Variants in ATAD2 observed in about 807,000 individuals in gnomAD.
ATAD2 encodes the protein ATPase family AAA domain-containing protein 2.
A neutral mutation model predicts 168.9 loss-of-function variants in ATAD2; 62 were observed. The observed-to-expected ratio is 0.37, with a 90% CI of 0.30 to 0.45. The LOEUF is 0.45. Ranked by LOEUF, ATAD2 falls within the 20% of genes least tolerant of loss-of-function variation. The pLI is 1.00. For synonymous variants in ATAD2, 613 were observed against 571.6 expected (o/e 1.07, Z -1.03); for missense variants, 1,419 against 1,667.8 (o/e 0.85, Z 2.60).
rs71310666 is a variant in ATAD2, at chr8:123,329,981, C to CTTTTTTTTT, written c.3479-1411_3479-1403dup. Among the ~76,000 whole-genome samples, 192 of 100,284 alleles carry CTTTTTTTTT rather than the reference C, an allele frequency of 1.9e-3. 7 individuals are homozygous for CTTTTTTTTT. The highest frequency in any genetic ancestry group is 6.7e-3 in the African/African-American group (184 of 27,564). The allele number at this position is 100,284 out of a possible 152,430, so 65.8% of individuals were successfully genotyped here. On this transcript the variant is annotated intron_variant, in intron 24 of 27. Coordinates refer to ENST00000287394, the MANE Select transcript of ATAD2 (RefSeq NM_014109.4). ...AGATTACCTTTCTCCCCAGTGGCTT[C>CTTTTTTTTT]TTTTTTTTTTTTTTTTTTTTTTTTG...
rs1171517777 is a variant in ATAD2, at chr8:123,323,015, A to G, written c.4054T>C (p.Leu1352=). 6.2e-7 allele frequency: 1 copy of G among 1,612,724 alleles called. No homozygotes were observed. The highest frequency in any genetic ancestry group is 8.5e-7 in the Non-Finnish European group (1 of 1,178,782). ...CTGATTACTGCATACAAATTTTCCA[A>G]CTGAAATATGTTGTAGTTTTGACTT... is the stretch of plus-strand genomic sequence containing the variant. ...KKSQNYNIFQ[L]ENLYAVISQC... is the part of the protein sequence containing the mutation. The change falls in exon 27 of 28, where the codon TTG becomes CTG. Residue 1352 remains leucine (L), a synonymous_variant. Coordinates refer to ENST00000287394, the MANE Select transcript of ATAD2 (RefSeq NM_014109.4).
chr8:123,380,109 T>C (rs2129843599), intron 2 of ATAD2, among the ~76,000 whole-genome samples: 1 of 152,074 alleles, frequency 6.6e-6, no homozygotes, highest in South Asian at 2.1e-4. Context: ...TGAAGTGCAG[T>C]GGCGCGATCT....
intron 8 of ATAD2, among the ~76,000 whole-genome samples, chr8:123,364,957 T>C (rs1828928670): frequency 1.3e-5 from 2 of 151,818 alleles, no homozygotes; most frequent in African/African-American, 4.8e-5. Flanking sequence ...AATAAAAGGG[T>C]ATCCAAATCA....
chr8:123,386,044 T>C (rs947383190), intron 1 of ATAD2, among the ~76,000 whole-genome samples: 1 of 134,194 alleles, frequency 7.5e-6, no homozygotes, highest in Non-Finnish European at 1.6e-5. Flanking sequence ...AAGGAGAAAA[T>C]AGCAATTGTT....
chr8:123,334,035 A>G lies in ATAD2; in HGVS notation c.3335-14T>C, dbSNP rs770247511. ...AGGAGCTACAACCTTATAAATAGAT[A>G]TGTGGGATGTCAAAAGGATTTCCAG... On this transcript the variant is annotated splice_polypyrimidine_tract_variant and intron_variant, in intron 23 of 27. Coordinates refer to ENST00000287394, the MANE Select transcript of ATAD2 (RefSeq NM_014109.4). The G allele has an allele frequency of 4.4e-6, 7 of 1,597,936 alleles. No homozygotes were observed. The highest frequency in any genetic ancestry group is 6.0e-6 in the Non-Finnish European group (7 of 1,170,656).
chr8:123,397,000 C>T (rs1240544020), upstream of ATAD2, among the ~76,000 whole-genome samples: 3 of 150,470 alleles, frequency 2.0e-5, no homozygotes, highest in African/African-American at 7.4e-5. Flanking sequence ...AAAGAAAACA[C>T]AAGGAGCTAA....
At position 123,347,113 on chromosome 8, in the gene ATAD2, T is replaced by A. The variant is rs928149599; in HGVS notation, c.2191A>T (p.Thr731Ser). ...ATACCTGAGTCTAATGTTTTATTTG[T>A]TCTGAATTCTGCATGTGGAAATACT... is the stretch of plus-strand genomic sequence containing the variant. Reference protein sequence around the residue: ...QRVFPHAEFRTNKTLDSDISC... With the variant: ...QRVFPHAEFRSNKTLDSDISC... Residue 731 changes from threonine to serine, a missense_variant, in exon 16 of 28, where the codon ACA (threonine) becomes TCA (serine). By Grantham distance (58) the Thr-to-Ser change is moderately conservative. Around this residue, in one of 5 missense-constraint regions of ATAD2, gnomAD observed 545 missense variants for 724.9 expected, o/e 0.75. Coordinates refer to ENST00000287394, the MANE Select transcript of ATAD2 (RefSeq NM_014109.4). The A allele has an allele frequency of 2.5e-6, 4 of 1,612,548 alleles. No individual in the cohort carries two copies. Among genetic ancestry groups the A allele is most frequent in the Non-Finnish European group, 3.4e-6 (4 of 1,179,092 alleles).
intron 24 of ATAD2, among the ~76,000 whole-genome samples, chr8:123,333,655 A>G (rs889662557): frequency 5.9e-5 from 9 of 152,216 alleles, no homozygotes; most frequent in African/African-American, 2.2e-4. Context: ...TACAGACATC[A>G]GTTTCAAATC....
At position 123,371,746 on chromosome 8, in the gene ATAD2, C is replaced by A; in HGVS notation, c.460G>T (p.Val154Leu). The A allele has an allele frequency of 6.2e-7, 1 of 1,613,732 alleles. No homozygotes were observed. Among genetic ancestry groups the A allele is most frequent in the Non-Finnish European group, 8.5e-7 (1 of 1,179,842 alleles). Residue 154 changes from valine (V) to leucine (L), a missense_variant, in exon 4 of 28, where the codon GTG becomes TTG. This residue lies in a region of ATAD2 where 419 missense variants were observed against 423.5 expected (regional missense o/e 0.99). Transcript: ENST00000287394. ...CTTCTAATCCTACAACTTCGACGCA[C>A]TTCAACATCACCATTATCTTCATGT... is the stretch of plus-strand genomic sequence containing the variant. ...HLHEDNGDVE[V>L]RRSCRIRSRY...
intron 1 of ATAD2, among the ~76,000 whole-genome samples, chr8:123,408,959 C>A (rs1813109863): frequency 1.3e-5 from 2 of 152,002 alleles, no homozygotes; most frequent in African/African-American, 2.4e-5. Flanking sequence ...TCCTCAGTAG[C>A]TGGGACTACA....
At chr8:123,401,271 C>A, upstream of ATAD2, 1 of 1,037,692 alleles carries the variant, frequency 9.6e-7, no homozygotes, top group South Asian at 1.3e-5. Flanking sequence ...ACCGAGACTA[C>A]CCTGTGGCCT....
intron 8 of ATAD2, 67 bp from the exon 9 acceptor site, chr8:123,361,713 G>A: frequency 7.7e-7 from 1 of 1,303,570 alleles, no homozygotes; most frequent in Admixed American, 1.8e-5. Flanking sequence ...CATAAGAAAA[G>A]CATCAGAAAT....
intron 1 of ATAD2, among the ~76,000 whole-genome samples, chr8:123,391,420 G>A (rs1829822035): frequency 7.0e-6 from 1 of 142,684 alleles, no homozygotes. Flanking sequence ...TAATAAATAG[G>A]TGACTAAAAG....
intron 13 of ATAD2, among the ~76,000 whole-genome samples, chr8:123,351,008 TTACA>T (rs1467508220): frequency 6.6e-6 from 1 of 152,034 alleles, no homozygotes; most frequent in Non-Finnish European, 1.5e-5. Context: ...AGTGCTGGGA[TTACA>T]GACGTGAGCC....
intron 24 of ATAD2, among the ~76,000 whole-genome samples, chr8:123,329,597 CA>C (rs1419970418): frequency 6.6e-6 from 1 of 151,762 alleles, no homozygotes; most frequent in Non-Finnish European, 1.5e-5. Context: ...CCCATCGCTA[CA>C]AAAAATACAA....
chr8:123,332,622 C>A (rs1293649248), intron 24 of ATAD2, among the ~76,000 whole-genome samples: 1 of 152,174 alleles, frequency 6.6e-6, no homozygotes, highest in Non-Finnish European at 1.5e-5. Context: ...AGGATTCTCA[C>A]TGTATAATAA....
upstream of ATAD2, among the ~76,000 whole-genome samples, chr8:123,398,231 T>TTG (rs1314420360): frequency 4.1e-5 from 6 of 145,360 alleles, no homozygotes; most frequent in African/African-American, 1.6e-4. Context: ...TTGTTCTTTT[T>TTG]TTTTTTTTTT....
chr8:123,388,722 G>T (rs138428127), intron 1 of ATAD2, among the ~76,000 whole-genome samples: 2,790 of 151,948 alleles, frequency 0.018, 45 homozygotes, highest in Non-Finnish European at 0.026. Flanking sequence ...GGGGGCGGGG[G>T]GGTGGTCTCA....
intron 1 of ATAD2, among the ~76,000 whole-genome samples, chr8:123,394,176 A>ATTGAAT (rs1812722511): frequency 6.6e-6 from 1 of 152,084 alleles, no homozygotes; most frequent in East Asian, 1.9e-4. Context: ...TCCTAACCAT[A>ATTGAAT]TGCTAACTGT....
Sources: gnomAD v4.1 joint callset for allele counts (sites outside exome capture counted in the v4.1 genomes callset) on GRCh38, gnomAD v4.1.1 for gene constraint, gnomAD v4.1.1 regional missense constraint, MANE v1.5 for transcripts, NCBI Gene and HGNC (gene_info 2026-07-23, HGNC 2026-07-21) for gene names.